Variants in CACNA2D1 observed in about 807,000 individuals in gnomAD.
The protein encoded by CACNA2D1 is voltage-dependent calcium channel subunit alpha-2/delta-1.
Under a neutral mutation model 171.5 loss-of-function variants are expected in CACNA2D1, and 53 were observed. That is an observed-to-expected ratio of 0.31 (90% CI 0.25 to 0.39). The LOEUF (loss-of-function observed/expected upper bound fraction) is 0.39. CACNA2D1 is among the 10% of genes least tolerant of loss of function. The pLI is 1.00. For missense variants in CACNA2D1, 903 were observed against 1,299.8 expected (o/e 0.69, Z 4.69); for synonymous variants, 442 against 443.1 (o/e 1.00, Z 0.03).
At chr7:82,109,668 G>A (rs75681972) in intron 6 of CACNA2D1, among the ~76,000 whole-genome samples, 12,376 of 152,198 alleles carry the variant, frequency 0.081, 598 homozygotes, top group South Asian at 0.16. Flanking sequence ...GGTTTAGATT[G>A]GAGGAACATG....
At chr7:82,220,855 T>G (rs1191363988) in intron 3 of CACNA2D1, among the ~76,000 whole-genome samples, 4 of 150,184 alleles carry the variant, frequency 2.7e-5, no homozygotes, top group Non-Finnish European at 5.9e-5. Context: ...CTTGGCTCAC[T>G]GCAACCTCCA....
intron 24 of CACNA2D1, among the ~76,000 whole-genome samples, chr7:81,979,904 G>A (rs1368928747): frequency 6.6e-6 from 1 of 151,706 alleles, no homozygotes; most frequent in African/African-American, 2.4e-5. Context: ...TTCACTATTG[G>A]GTATTGAATG....
intron 1 of CACNA2D1, among the ~76,000 whole-genome samples, chr7:82,371,509 T>C (rs896414521): frequency 6.6e-6 from 1 of 152,214 alleles, no homozygotes; most frequent in Middle Eastern, 3.2e-3. Flanking sequence ...AAGTCTAAAA[T>C]GCTAAGAGTT....
chr7:82,054,049 C>A (rs1432727033), intron 10 of CACNA2D1, among the ~76,000 whole-genome samples: 1 of 152,146 alleles, frequency 6.6e-6, no homozygotes, highest in Non-Finnish European at 1.5e-5. Context: ...CAAATAAATA[C>A]ACGTTTAACA....
chr7:82,434,450 C>CTACTTAATTAGTTATTAATTAAG (rs1829952786), intron 1 of CACNA2D1, among the ~76,000 whole-genome samples: 5 of 152,182 alleles, frequency 3.3e-5, no homozygotes, highest in South Asian at 2.1e-4. Flanking sequence ...GGCATTAAGT[C>CTACTTAATTAGTTATTAATTAAG]TACTTAATTA....
At chr7:81,976,769 G>T (rs904079221) in intron 24 of CACNA2D1, among the ~76,000 whole-genome samples, 1 of 152,178 alleles carries the variant, frequency 6.6e-6, no homozygotes, top group African/African-American at 2.4e-5. Flanking sequence ...CAGGTGAATC[G>T]CTTGAACCCA....
intron 1 of CACNA2D1, among the ~76,000 whole-genome samples, chr7:82,381,053 C>T (rs1161070957): frequency 6.6e-6 from 1 of 151,938 alleles, no homozygotes; most frequent in East Asian, 2.0e-4. Flanking sequence ...TGGCTCACGC[C>T]TGTAATCCCA....
chr7:82,435,979 C>T (rs1458600380), intron 1 of CACNA2D1, among the ~76,000 whole-genome samples: 1 of 152,186 alleles, frequency 6.6e-6, no homozygotes. Flanking sequence ...TTAGACCATG[C>T]CCCTTCAGTA....
At chr7:82,123,859 T>C (rs1390893232) in intron 5 of CACNA2D1, among the ~76,000 whole-genome samples, 1 of 152,156 alleles carries the variant, frequency 6.6e-6, no homozygotes, top group Non-Finnish European at 1.5e-5. Flanking sequence ...TACTAGGTAG[T>C]AAATAGACTA....
chr7:82,157,997 C>CAT (rs967981998), intron 4 of CACNA2D1, among the ~76,000 whole-genome samples: 1 of 151,626 alleles, frequency 6.6e-6, no homozygotes, highest in Non-Finnish European at 1.5e-5. Flanking sequence ...TATATGTTTA[C>CAT]ATATATATAT....
chr7:82,093,735 A>G (rs1216450458), intron 6 of CACNA2D1, among the ~76,000 whole-genome samples: 1 of 152,190 alleles, frequency 6.6e-6, no homozygotes, highest in African/African-American at 2.4e-5. Flanking sequence ...TCGCACTAAG[A>G]TTCTAGTAAA....
At chr7:82,338,053 A>G (rs1818208350) in intron 2 of CACNA2D1, among the ~76,000 whole-genome samples, 1 of 152,208 alleles carries the variant, frequency 6.6e-6, no homozygotes, top group Admixed American at 6.6e-5. Context: ...TAATTAACAT[A>G]TGTTAATTAT....
intron 3 of CACNA2D1, among the ~76,000 whole-genome samples, chr7:82,311,343 A>G (rs1044816693): frequency 5.3e-5 from 8 of 152,028 alleles, no homozygotes; most frequent in African/African-American, 1.9e-4. Context: ...GCACTAGGTA[A>G]GAATTTCTAA....
chr7:82,181,041 A>ATTTTTTTTTT lies in CACNA2D1; in HGVS notation c.295-10442_295-10433dup, dbSNP rs71093367. Among the ~76,000 whole-genome samples the ATTTTTTTTTT allele has an allele frequency of 5.6e-3, 78 of 13,960 alleles. 29 individuals are homozygous for ATTTTTTTTTT. The highest frequency in any genetic ancestry group is 7.0e-3 in the African/African-American group (29 of 4,162). 9.2% of individuals were successfully genotyped at this position (13,960 alleles called of 152,430 possible). On this transcript the variant is annotated intron_variant, in intron 3 of 38. Transcript: ENST00000356860. ...GGTCAGCAGCTGTGGGGCATGTCGGATTTTTTTTTTTTTTTTTTTTTTTTT... is the reference window on the plus strand; with the variant it reads ...GGTCAGCAGCTGTGGGGCATGTCGGATTTTTTTTTTTTTTTTTTTTTTTTTTTTTTTTTTT...
chr7:82,098,020 A>G (rs575622453), intron 6 of CACNA2D1, among the ~76,000 whole-genome samples: 27 of 152,310 alleles, frequency 1.8e-4, no homozygotes, highest in African/African-American at 5.3e-4. Context: ...AGGCTGAGGC[A>G]GGAGAATGAC....
At chr7:82,089,811 C>T (rs907286346) in intron 6 of CACNA2D1, among the ~76,000 whole-genome samples, 1 of 152,128 alleles carries the variant, frequency 6.6e-6, no homozygotes, top group East Asian at 1.9e-4. Flanking sequence ...CAAACTTCAA[C>T]CAATAAAATG....
chr7:82,010,764 G>A (rs1799687837), intron 15 of CACNA2D1, among the ~76,000 whole-genome samples: 1 of 152,014 alleles, frequency 6.6e-6, no homozygotes, highest in Admixed American at 6.6e-5. Context: ...TCCTGTATAT[G>A]TTTATTTTCT....
intron 35 of CACNA2D1, 68 bp from the exon 36 acceptor site, chr7:81,962,091 TCGAG>T: frequency 1.4e-6 from 2 of 1,467,702 alleles, no homozygotes; most frequent in South Asian, 2.3e-5. Flanking sequence ...GTCACTCCCC[TCGAG>T]TCTTCACTTC....
intron 15 of CACNA2D1, 160 bp downstream of exon 15, chr7:82,011,994 T>C: frequency 9.3e-6 from 6 of 646,618 alleles, no homozygotes; most frequent in Non-Finnish European, 1.7e-5. Flanking sequence ...GTCTATGTTT[T>C]TATGTAAATT....
Sources: allele counts gnomAD v4.1 joint callset (sites outside exome capture counted in the v4.1 genomes callset), GRCh38; gene constraint gnomAD v4.1.1; transcripts MANE v1.5; gene names NCBI Gene and HGNC (gene_info 2026-07-23, HGNC 2026-07-21).